Variants in GFRA1 observed in about 807,000 individuals in gnomAD.
GFRA1 encodes the protein GDNF family receptor alpha-1.
A neutral mutation model predicts 51.6 loss-of-function variants in GFRA1; 16 were observed. That is an observed-to-expected ratio of 0.31 (90% CI 0.21 to 0.47). GFRA1 has a LOEUF of 0.47. GFRA1 is among the 20% of genes least tolerant of loss of function. The probability of loss-of-function intolerance (pLI) is 1.00; values close to 1 mark genes in which losing one functional copy is unlikely to be tolerated. For missense variants in GFRA1, 530 were observed against 594.3 expected, an observed-to-expected ratio of 0.89 and a Z score of 1.13; for synonymous variants, 270 against 241.3, an observed-to-expected ratio of 1.12 and a Z score of -1.10.
At chr10:116,246,375 G>A (rs1565677254) in intron 4 of GFRA1, among the ~76,000 whole-genome samples, 4 of 152,180 alleles carry the variant, frequency 2.6e-5, no homozygotes, top group Admixed American at 6.5e-5. Context: ...AGGTTGCAGT[G>A]AGACGAGGTT....
At chr10:116,267,441 G>A (rs1969749877) in intron 4 of GFRA1, among the ~76,000 whole-genome samples, 1 of 152,074 alleles carries the variant, frequency 6.6e-6, no homozygotes, top group South Asian at 2.1e-4. Flanking sequence ...ACTCCAGCCT[G>A]GGCCCTGGGT....
intron 5 of GFRA1, among the ~76,000 whole-genome samples, chr10:116,178,838 T>C (rs1039826244): frequency 2.0e-5 from 3 of 152,210 alleles, no homozygotes; most frequent in African/African-American, 7.2e-5. Flanking sequence ...GGTCCTTCTC[T>C]GATGGGATCA....
intron 4 of GFRA1, among the ~76,000 whole-genome samples, chr10:116,240,726 G>A (rs1053701534): frequency 2.8e-4 from 43 of 152,210 alleles, no homozygotes; most frequent in South Asian, 1.0e-3. Flanking sequence ...AAACTAAACC[G>A]TACGCATCTT....
At chr10:116,174,027 C>G (rs1402943529) in intron 5 of GFRA1, among the ~76,000 whole-genome samples, 1 of 152,032 alleles carries the variant, frequency 6.6e-6, no homozygotes, top group Non-Finnish European at 1.5e-5. Context: ...TTGTGGTGAG[C>G]CAAGATCGCA....
At chr10:116,091,573 C>T (rs962074211) in intron 8 of GFRA1, among the ~76,000 whole-genome samples, 1 of 152,200 alleles carries the variant, frequency 6.6e-6, no homozygotes, top group Non-Finnish European at 1.5e-5. Context: ...CCCCATGCAT[C>T]TGTCATGCAC....
In GFRA1 at chr10:116,077,913, C is replaced by T. The variant is rs192917732; in HGVS notation, c.1197+11828G>A. On this transcript the variant is annotated intron_variant, in intron 9 of 10. Transcript: ENST00000355422. ...TCTGCACAAGCGACACTTAGTAGGG[C>T]CCCGGAGATTAAGAAAAGTCTTGCA... 3.6e-3 allele frequency among the ~76,000 whole-genome samples: 541 copies of T among 152,278 alleles called. 2 individuals carry two copies. The highest frequency in any genetic ancestry group is 0.012 in the African/African-American group (498 of 41,552).
At position 116,213,541 on chromosome 10, in the gene GFRA1, G is replaced by A. The variant is rs965266880; in HGVS notation, c.419-1896C>T. Among the ~76,000 whole-genome samples the A allele has an allele frequency of 4.6e-5, 7 of 152,178 alleles. No individual in the cohort carries two copies. In the East Asian group the frequency reaches 5.8e-4, roughly 13 times the overall value. ...TGTATTAATTTTTAGCAATGAACAC[G>A]CCTTACATTTACAACCCAAATTTTA... On this transcript the variant is annotated intron_variant, in intron 4 of 10. Transcript: ENST00000355422.
At chr10:116,190,951 T>A (rs1413936710) in intron 5 of GFRA1, among the ~76,000 whole-genome samples, 1 of 152,130 alleles carries the variant, frequency 6.6e-6, no homozygotes, top group Non-Finnish European at 1.5e-5. Flanking sequence ...GTAAAAGATC[T>A]CCCTGAAATA....
intron 5 of GFRA1, among the ~76,000 whole-genome samples, chr10:116,165,665 T>TCACTCACA (rs1555161605): frequency 1.3e-5 from 2 of 149,444 alleles, no homozygotes; most frequent in Admixed American, 6.6e-5. Flanking sequence ...TCTCTCACTC[T>TCACTCACA]CACACACACA....
intron 6 of GFRA1, among the ~76,000 whole-genome samples, chr10:116,109,435 G>A (rs1055517527): frequency 6.6e-6 from 1 of 152,118 alleles, no homozygotes; most frequent in Non-Finnish European, 1.5e-5. Flanking sequence ...GGTTAATAGC[G>A]CTTGTAGCTT....
chr10:116,220,851 A>G (rs1042102093), intron 4 of GFRA1, among the ~76,000 whole-genome samples: 6 of 152,218 alleles, frequency 3.9e-5, no homozygotes, highest in Non-Finnish European at 7.3e-5. Flanking sequence ...TTCTAAAACT[A>G]TAATGAACAC....
intron 2 of GFRA1, among the ~76,000 whole-genome samples, chr10:116,271,510 A>C (rs1843935216): frequency 6.6e-6 from 1 of 151,656 alleles, no homozygotes; most frequent in African/African-American, 2.4e-5. Context: ...TTCCGAGGAG[A>C]AGTGCGGCGG....
intron 6 of GFRA1, among the ~76,000 whole-genome samples, chr10:116,100,460 AG>A (rs1425752656): frequency 6.2e-4 from 94 of 152,194 alleles, no homozygotes; most frequent in African/African-American, 2.2e-3. Context: ...TGCACTTAAC[AG>A]GTGCATCGCC....
At chr10:116,142,363 C>T (rs986235772) in intron 5 of GFRA1, among the ~76,000 whole-genome samples, 1 of 152,114 alleles carries the variant, frequency 6.6e-6, no homozygotes, top group Non-Finnish European at 1.5e-5. Flanking sequence ...GGAGAAAAGC[C>T]CTGTGCATCT....
intron 5 of GFRA1, among the ~76,000 whole-genome samples, chr10:116,135,156 T>C (rs961906220): frequency 3.3e-5 from 5 of 152,202 alleles, no homozygotes; most frequent in Admixed American, 2.6e-4. Flanking sequence ...GTACATCAGA[T>C]GGAGGGACAG....
intron 5 of GFRA1, among the ~76,000 whole-genome samples, chr10:116,176,199 G>C (rs994802469): frequency 1.3e-5 from 2 of 152,116 alleles, no homozygotes; most frequent in Non-Finnish European, 2.9e-5. Flanking sequence ...ACGTGTCGGC[G>C]CTCTGAAAAA....
intron 5 of GFRA1, among the ~76,000 whole-genome samples, chr10:116,197,737 T>G (rs1414594168): frequency 6.6e-6 from 1 of 151,806 alleles, no homozygotes; most frequent in African/African-American, 2.4e-5. Flanking sequence ...GGACATGGGG[T>G]AGAGTTTCGG....
chr10:116,074,314 A>G (rs1186554875), intron 9 of GFRA1, among the ~76,000 whole-genome samples: 2 of 152,156 alleles, frequency 1.3e-5, no homozygotes, highest in Non-Finnish European at 2.9e-5. Context: ...ATTATCTCCT[A>G]TATCTTACAT....
rs934025892 is a variant in GFRA1, at chr10:116,058,217, T to A, written c.*6181A>T. On this transcript the variant is annotated 3_prime_UTR_variant, in exon 11 of 11. Coordinates refer to ENST00000355422, the MANE Select transcript of GFRA1 (RefSeq NM_005264.8). ...CAGGACATCCACTGGATTTTCTAAT[T>A]CTTCTTCCTACTTCACTCTAGTCTT... 1 of 152,248 alleles carries A rather than the reference T, an allele frequency of 6.6e-6. No homozygotes were observed. Among genetic ancestry groups the A allele is most frequent in the Non-Finnish European group, 1.5e-5 (1 of 68,082 alleles). The allele number at this position is 152,248 out of a possible 1,614,324, so 9.4% of individuals were successfully genotyped here. A position where few individuals can be genotyped will look rare whatever the true frequency, so the allele number is the denominator to read the frequency against.
Sources: gnomAD v4.1 joint callset for allele counts (sites outside exome capture counted in the v4.1 genomes callset) on GRCh38, gnomAD v4.1.1 for gene constraint, MANE v1.5 for transcripts, NCBI Gene and HGNC (gene_info 2026-07-23, HGNC 2026-07-21) for gene names.